PACS1: variants seen among roughly 807,000 people sequenced by gnomAD.
PACS1 encodes phosphofurin acidic cluster sorting protein 1.
PACS1 carries 24 observed loss-of-function variants against 115.0 expected under a neutral mutation model. The observed-to-expected ratio is 0.21, with a 90% CI of 0.15 to 0.29. The LOEUF is 0.29. Among genes scored for constraint, PACS1 ranks in the 10% least tolerant of loss-of-function variants. PACS1 has a pLI of 1.00. For synonymous variants in PACS1, 453 were observed against 504.5 expected (o/e 0.90, Z 1.37); for missense variants, 838 against 1,251.2 (o/e 0.67, Z 4.98).
chr11:66,198,462 A>C (rs904394191), intron 2 of PACS1, among the ~76,000 whole-genome samples: 8 of 152,192 alleles, frequency 5.3e-5, no homozygotes, highest in Non-Finnish European at 1.2e-4. Context: ...CTCCAGGTGG[A>C]TGAACCTTGA....
intron 1 of PACS1, among the ~76,000 whole-genome samples, chr11:66,074,053 G>T (rs1857356349): frequency 6.6e-6 from 1 of 150,976 alleles, no homozygotes; most frequent in South Asian, 2.1e-4. Context: ...GAGCCACTGT[G>T]CCCAGCCTTT....
intron 1 of PACS1, among the ~76,000 whole-genome samples, chr11:66,080,127 A>G (rs1373365073): frequency 6.6e-6 from 1 of 152,210 alleles, no homozygotes; most frequent in Non-Finnish European, 1.5e-5. Flanking sequence ...CAATAACTAC[A>G]TTTGTCAAAT....
intron 1 of PACS1, among the ~76,000 whole-genome samples, chr11:66,073,527 C>T (rs1857345640): frequency 6.6e-6 from 1 of 152,056 alleles, no homozygotes; most frequent in Non-Finnish European, 1.5e-5. Flanking sequence ...TTCTTGATGC[C>T]TGTCAAAATA....
intron 2 of PACS1, among the ~76,000 whole-genome samples, chr11:66,205,509 T>C (rs576774530): frequency 8.6e-4 from 131 of 151,970 alleles, no homozygotes; most frequent in African/African-American, 3.0e-3. Flanking sequence ...TACCAAAATG[T>C]CTTATGTACC....
intron 1 of PACS1, among the ~76,000 whole-genome samples, chr11:66,102,533 C>T (rs1471251772): frequency 6.6e-6 from 1 of 151,922 alleles, no homozygotes; most frequent in Non-Finnish European, 1.5e-5. Context: ...CCATGTTGGC[C>T]AGGCTGGTCT....
In PACS1 at chr11:66,211,241, A is replaced by T. The variant is rs752130784; in HGVS notation, c.642A>T (p.Gly214=). 8 of 1,613,496 alleles carry T rather than the reference A, an allele frequency of 5.0e-6. No homozygotes were observed. The Admixed American group carries it at 1.3e-4, about 27-fold the overall frequency. ...TILGYKTLAV[G]LINMAEVMQH... ...TGGGCTATAAGACCTTGGCCGTGGG[A>T]CTCATCAACATGGCAGAGGTGAGAG... The change falls in exon 4 of 24, where the codon GGA becomes GGT. Residue 214 remains glycine (G), a synonymous_variant. Transcript: ENST00000320580.
rs1046007481 is a variant in PACS1, at chr11:66,236,489, C to T, written c.2250+549C>T. Among the ~76,000 whole-genome samples the T allele has an allele frequency of 6.6e-6, 1 of 152,222 alleles. No individual in the cohort carries two copies. Among genetic ancestry groups the T allele is most frequent in the African/African-American group, 2.4e-5 (1 of 41,458 alleles). On this transcript the variant is annotated intron_variant, in intron 19 of 23. Coordinates refer to ENST00000320580, the MANE Select transcript of PACS1 (RefSeq NM_018026.4). The surrounding 1 kb of genome is among the most constrained non-coding windows in gnomAD (Gnocchi z 4.2). The stretch of plus-strand genomic sequence containing the variant: ...AGGCCACTGAGAGGAAGGCTTTCTT[C>T]TTTCCTTTTCTATTTAACCAAGGAG...
chr11:66,177,341 G>A (rs983297222), intron 1 of PACS1, among the ~76,000 whole-genome samples: 7 of 151,930 alleles, frequency 4.6e-5, no homozygotes, highest in African/African-American at 9.7e-5. Flanking sequence ...TACACCATGC[G>A]CCACCATGCC....
At chr11:66,195,375 T>C (rs143463317) in intron 2 of PACS1, among the ~76,000 whole-genome samples, 16 of 152,298 alleles carry the variant, frequency 1.1e-4, no homozygotes, top group Non-Finnish European at 1.9e-4. Context: ...GACAGCAATG[T>C]GAACTATTAG....
At chr11:66,113,960 G>A (rs1289004223) in intron 1 of PACS1, among the ~76,000 whole-genome samples, 4 of 152,232 alleles carry the variant, frequency 2.6e-5, no homozygotes, top group South Asian at 2.1e-4. Context: ...AAGCTCTTTT[G>A]CATCTCTCCA....
chr11:66,226,709 G>A (rs1855475654), intron 10 of PACS1, among the ~76,000 whole-genome samples: 1 of 152,144 alleles, frequency 6.6e-6, no homozygotes, highest in African/African-American at 2.4e-5. Flanking sequence ...GAGTCATTGG[G>A]AGGAAGTGGG....
At chr11:66,198,362 A>G (rs1308391790) in intron 2 of PACS1, among the ~76,000 whole-genome samples, 3 of 152,280 alleles carry the variant, frequency 2.0e-5, no homozygotes, top group African/African-American at 7.2e-5. Context: ...ATCCAAGTCC[A>G]TCAACTGATC....
intron 4 of PACS1, among the ~76,000 whole-genome samples, chr11:66,212,586 G>A (rs1008623103): frequency 1.1e-4 from 17 of 151,864 alleles, no homozygotes; most frequent in Admixed American, 1.0e-3. Context: ...TTATCACTTG[G>A]TTAACATGGA....
Position 66,236,631 on chromosome 11 carries a change from A to C in PACS1, c.2250+691A>C, listed in dbSNP as rs890825082. On this transcript the variant is annotated intron_variant, in intron 19 of 23. Transcript: ENST00000320580. The surrounding 1 kb of genome is among the most constrained non-coding windows in gnomAD (Gnocchi z 4.2). ...CTGGGCCACAGGCTCAGCCTGACCT[A>C]GGGAGGGGTCCGGGGGAGCTGTGCA... Among the ~76,000 whole-genome samples the C allele has an allele frequency of 6.6e-6, 1 of 152,194 alleles. No homozygotes were observed. Among genetic ancestry groups the C allele is most frequent in the African/African-American group, 2.4e-5 (1 of 41,456 alleles).
At position 66,070,568 on chromosome 11, in the gene PACS1, T is replaced by G; in HGVS notation, c.82T>G (p.Ser28Ala). The G allele has an allele frequency of 6.8e-7, 1 of 1,471,684 alleles. No individual in the cohort carries two copies. The highest frequency in any genetic ancestry group is 8.9e-7 in the Non-Finnish European group (1 of 1,117,992). 91.2% of individuals were successfully genotyped at this position (1,471,684 alleles called of 1,614,324 possible). ...CCAGCGGGGATCCGGGGTCGCCCAG[T>G]CCCCTCAGCAGCCGCCGCCGCAGCA... ...SGQRGSGVAQSPQQPPPQQQQ... is the reference protein window; with the variant it reads ...SGQRGSGVAQAPQQPPPQQQQ... The change falls in exon 1 of 24, where the codon TCC (serine) becomes GCC (alanine). Residue 28 changes from serine to alanine, a missense_variant. By Grantham distance (99) the Ser-to-Ala change is moderately conservative. This residue lies in a region of PACS1 where 129 missense variants were observed against 109.4 expected (regional missense o/e 1.18). Coordinates refer to ENST00000320580, the MANE Select transcript of PACS1 (RefSeq NM_018026.4). This position sits in a 1 kb window ranked among gnomAD's most constrained non-coding sequence, Gnocchi z 5.9.
chr11:66,129,319 C>T (rs1172787714), intron 1 of PACS1, among the ~76,000 whole-genome samples: 1 of 151,402 alleles, frequency 6.6e-6, no homozygotes, highest in African/African-American at 2.4e-5. Flanking sequence ...GTAATCCCAG[C>T]TACTTAGGAA....
intron 1 of PACS1, among the ~76,000 whole-genome samples, chr11:66,125,579 G>A (rs1411629931): frequency 6.6e-6 from 1 of 152,180 alleles, no homozygotes; most frequent in African/African-American, 2.4e-5. Context: ...AATTCAAAGT[G>A]TATGAAAATA....
chr11:66,125,368 A>G (rs192926338), intron 1 of PACS1, among the ~76,000 whole-genome samples: 4 of 152,340 alleles, frequency 2.6e-5, no homozygotes, highest in Admixed American at 2.6e-4. Flanking sequence ...TTTTAGCATC[A>G]TTTGCTACAA....
intron 1 of PACS1, among the ~76,000 whole-genome samples, chr11:66,193,075 C>T (rs1854565202): frequency 6.6e-6 from 1 of 152,210 alleles, no homozygotes; most frequent in Admixed American, 6.5e-5. Context: ...CCTTGGTCTC[C>T]TCTTCCCCCT....
Sources: allele counts gnomAD v4.1 joint callset (sites outside exome capture counted in the v4.1 genomes callset), GRCh38; gene constraint gnomAD v4.1.1; regional missense constraint gnomAD v4.1.1; non-coding constraint Gnocchi (gnomAD v3.1); transcripts MANE v1.5; gene names NCBI Gene and HGNC (gene_info 2026-07-23, HGNC 2026-07-21).